The following AGAP1 variants were observed in gnomAD, a reference collection of about 807,000 sequenced individuals.
AGAP1 encodes arf-GAP with GTPase, ANK repeat and PH domain-containing protein 1.
A neutral mutation model predicts 105.3 loss-of-function variants in AGAP1; 29 were observed. The observed-to-expected ratio is 0.28, with a 90% CI of 0.21 to 0.38. The LOEUF (loss-of-function observed/expected upper bound fraction) is 0.38, where lower values mean the gene tolerates loss of function less well. Ranked by LOEUF, AGAP1 falls within the 10% of genes least tolerant of loss-of-function variation. The probability of loss-of-function intolerance (pLI) is 1.00; values close to 1 mark genes in which losing one functional copy is unlikely to be tolerated. For synonymous variants in AGAP1, 509 were observed against 485.9 expected (o/e 1.05, Z -0.63); for missense variants, 998 against 1,165.1 (o/e 0.86, Z 2.09).
chr2:236,006,036 G>A (rs1206580863), intron 13 of AGAP1, among the ~76,000 whole-genome samples: 1 of 152,192 alleles, frequency 6.6e-6, no homozygotes, highest in Non-Finnish European at 1.5e-5. Context: ...TTCTTTTGCA[G>A]GGGAGATCTG....
chr2:235,554,055 A>G (rs2149121629), intron 1 of AGAP1, among the ~76,000 whole-genome samples: 1 of 152,336 alleles, frequency 6.6e-6, no homozygotes, highest in East Asian at 1.9e-4. Context: ...CCACCCAGTC[A>G]CTGCAGGAGA....
chr2:235,711,855 A>G lies in AGAP1; in HGVS notation c.222+2618A>G, dbSNP rs949180918. On this transcript the variant is annotated intron_variant, in intron 2 of 17. Transcript: ENST00000304032. The stretch of plus-strand genomic sequence containing the variant: ...TGGCACTTTAGGTCAGCGTCTCAGG[A>G]ACCCAGCCCCTGCTTCACAAACGCA... Among the ~76,000 whole-genome samples, 8 of 152,162 alleles carry G rather than the reference A, an allele frequency of 5.3e-5. No homozygotes were observed. The East Asian group carries it at 1.5e-3, about 29-fold the overall frequency.
Position 235,609,811 on chromosome 2 carries a change from A to G in AGAP1, c.164-99368A>G, listed in dbSNP as rs537667670. Among the ~76,000 whole-genome samples the G allele has an allele frequency of 7.9e-5, 12 of 152,178 alleles. No homozygotes were observed. Among genetic ancestry groups the G allele is most frequent in the African/African-American group, 2.7e-4 (11 of 41,508 alleles). On this transcript the variant is annotated intron_variant, in intron 1 of 17. Transcript: ENST00000304032. This position sits in a 1 kb window ranked among gnomAD's most constrained non-coding sequence, Gnocchi z 5.1. The stretch of plus-strand genomic sequence containing the variant: ...GAAAGTGTAGTGGGAGGCTGTGGGC[A>G]TATTTGGCGCTTGGCAGGATTGAAG...
Position 235,984,493 on chromosome 2 carries a change from T to TAA in AGAP1, c.1645+15884_1645+15885dup, listed in dbSNP as rs34531445. Among the ~76,000 whole-genome samples the TAA allele has an allele frequency of 6.3e-3, 882 of 139,276 alleles. 5 individuals carry two copies. The highest frequency in any genetic ancestry group is 0.019 in the African/African-American group (725 of 37,308). The allele number at this position is 139,276 out of a possible 152,430, so 91.4% of individuals were successfully genotyped here. ...TTCTTTTTTTTTTTCCTTTATTTCT[T>TAA]AAAAAAAAAAAAAAATAGATGCGCA... is the stretch of plus-strand genomic sequence containing the variant. On this transcript the variant is annotated intron_variant, in intron 13 of 17. Coordinates refer to ENST00000304032, the MANE Select transcript of AGAP1 (RefSeq NM_001037131.3).
At position 235,883,660 on chromosome 2, in the gene AGAP1, C is replaced by A. The variant is rs1273045941; in HGVS notation, c.1155+211C>A. Among the ~76,000 whole-genome samples the A allele has an allele frequency of 3.9e-5, 6 of 152,196 alleles. No homozygotes were observed. The highest frequency in any genetic ancestry group is 8.8e-5 in the Non-Finnish European group (6 of 68,036). On this transcript the variant is annotated intron_variant, in intron 10 of 17. Transcript: ENST00000304032. The surrounding 1 kb of genome is among the most constrained non-coding windows in gnomAD (Gnocchi z 4.5). ...TCTCTTCCCCTCCCTACCAGTCAAT[C>A]TGTGGCTTTCCAATTCTACAAAGAA...
rs566248191 is a variant in AGAP1 at position 235,674,843 on chromosome 2, C to T, written c.164-34336C>T. On this transcript the variant is annotated intron_variant, in intron 1 of 17. Coordinates refer to ENST00000304032, the MANE Select transcript of AGAP1 (RefSeq NM_001037131.3). Reference sequence around the variant, plus strand: ...AGCTGGGACTAGAGGCGCATGCCACCGCACCCAGCTAATTTTTGTGTTTTT... The same window carrying T: ...AGCTGGGACTAGAGGCGCATGCCACTGCACCCAGCTAATTTTTGTGTTTTT... Among the ~76,000 whole-genome samples, 8 of 151,964 alleles carry T rather than the reference C, an allele frequency of 5.3e-5. No individual in the cohort carries two copies. In the East Asian group the frequency reaches 1.4e-3, roughly 26 times the overall value.
At position 235,655,934 on chromosome 2, in the gene AGAP1, A is replaced by C. The variant is rs940770385; in HGVS notation, c.164-53245A>C. 6.6e-6 allele frequency among the ~76,000 whole-genome samples: 1 copy of C among 152,180 alleles called. No individual in the cohort carries two copies. Among genetic ancestry groups the C allele is most frequent in the South Asian group, 2.1e-4 (1 of 4,826 alleles). ...GGAGGGGGCAGTGCAGGATGTGGCA[A>C]GGCAGTTGTTGGAGCTCCGATACTT... On this transcript the variant is annotated intron_variant, in intron 1 of 17. Coordinates refer to ENST00000304032, the MANE Select transcript of AGAP1 (RefSeq NM_001037131.3). The surrounding 1 kb of genome is among the most constrained non-coding windows in gnomAD (Gnocchi z 4.3).
chr2:235,843,444 G>A lies in AGAP1; in HGVS notation c.1050+36113G>A, dbSNP rs749200414. On this transcript the variant is annotated intron_variant, in intron 9 of 17. Coordinates refer to ENST00000304032, the MANE Select transcript of AGAP1 (RefSeq NM_001037131.3). This position sits in a 1 kb window ranked among gnomAD's most constrained non-coding sequence, Gnocchi z 5.9. ...CTGGTTGGGCCCCACTTTCTTCCTG[G>A]AAAGGTATTTTCTGGGGCCAGGGAG... is the stretch of plus-strand genomic sequence containing the variant. 2.4e-4 allele frequency among the ~76,000 whole-genome samples: 37 copies of A among 152,082 alleles called. No homozygotes were observed. Among genetic ancestry groups the A allele is most frequent in the Non-Finnish European group, 4.1e-4 (28 of 68,014 alleles).
Position 235,843,278 on chromosome 2 carries a change from C to G in AGAP1, c.1050+35947C>G, listed in dbSNP as rs150063712. Among the ~76,000 whole-genome samples, 442 of 152,262 alleles carry G rather than the reference C, an allele frequency of 2.9e-3. 1 individual carries two copies. Among genetic ancestry groups the G allele is most frequent in the African/African-American group, 0.01 (428 of 41,554 alleles). On this transcript the variant is annotated intron_variant, in intron 9 of 17. Transcript: ENST00000304032. This position sits in a 1 kb window ranked among gnomAD's most constrained non-coding sequence, Gnocchi z 5.9. ...GCTGCGGCCTTCCAGCCCCCTGGGT[C>G]TCACTGCTTGCTGCCTCCCCTTTCT...
chr2:235,796,638 A>C (rs1957256750), intron 6 of AGAP1, among the ~76,000 whole-genome samples: 1 of 152,204 alleles, frequency 6.6e-6, no homozygotes, highest in Non-Finnish European at 1.5e-5. Flanking sequence ...GCTGTGGACA[A>C]ACCAGTTTCT....
intron 8 of AGAP1, among the ~76,000 whole-genome samples, chr2:235,804,925 T>A (rs1957763296): frequency 6.6e-6 from 1 of 152,192 alleles, no homozygotes. Context: ...CATTCCAGCA[T>A]CACGGAAGGA....
intron 1 of AGAP1, among the ~76,000 whole-genome samples, chr2:235,589,325 C>T (rs994780557): frequency 1.3e-5 from 2 of 149,654 alleles, no homozygotes; most frequent in African/African-American, 4.9e-5. Flanking sequence ...CCTGCCTCAG[C>T]CTCCCAAGTA....
chr2:235,632,985 C>T (rs1483858868), intron 1 of AGAP1, among the ~76,000 whole-genome samples: 1 of 152,026 alleles, frequency 6.6e-6, no homozygotes, highest in Non-Finnish European at 1.5e-5. Context: ...GGGGTCTCGG[C>T]TTCCTTCCAA....
chr2:235,627,498 T>G (rs1055855083), intron 1 of AGAP1, among the ~76,000 whole-genome samples: 1 of 152,150 alleles, frequency 6.6e-6, no homozygotes, highest in African/African-American at 2.4e-5. Context: ...GTGCTGGGAT[T>G]ACAGGCGTGA....
chr2:235,604,723 C>T (rs1459513515), intron 1 of AGAP1, among the ~76,000 whole-genome samples: 1 of 150,984 alleles, frequency 6.6e-6, no homozygotes, highest in Admixed American at 6.6e-5. Context: ...GCTGGGACTA[C>T]AGGCGCCCGC....
intron 13 of AGAP1, among the ~76,000 whole-genome samples, chr2:236,008,590 G>A (rs567938940): frequency 2.6e-4 from 39 of 152,258 alleles, no homozygotes; most frequent in South Asian, 1.7e-3. Flanking sequence ...CCACTTCTGC[G>A]TGTTTCTAGG....
chr2:235,952,089 G>T (rs1423672269), intron 12 of AGAP1, among the ~76,000 whole-genome samples: 1 of 152,146 alleles, frequency 6.6e-6, no homozygotes, highest in East Asian at 1.9e-4. Flanking sequence ...CCAGTATTCA[G>T]TGCACAGATA....
At chr2:235,948,285 G>A (rs2053584573) in intron 12 of AGAP1, among the ~76,000 whole-genome samples, 1 of 150,788 alleles carries the variant, frequency 6.6e-6, no homozygotes, top group Non-Finnish European at 1.5e-5. Flanking sequence ...TGGGCTCAAG[G>A]GATCCTCCCA....
intron 1 of AGAP1, chr2:235,670,264 G>A: frequency 2.0e-6 from 1 of 492,356 alleles, no homozygotes. Context: ...GCCCGGTTCG[G>A]CGGCCCCGGC....
Sources: gnomAD v4.1 joint callset for allele counts (sites outside exome capture counted in the v4.1 genomes callset) on GRCh38, gnomAD v4.1.1 for gene constraint, Gnocchi (gnomAD v3.1) non-coding constraint, MANE v1.5 for transcripts, NCBI Gene and HGNC (gene_info 2026-07-23, HGNC 2026-07-21) for gene names.